Variants in EHBP1 observed in about 807,000 individuals in gnomAD.
EHBP1 encodes EH domain binding protein 1, also known as EH domain-binding protein 1.
EHBP1 carries 55 observed loss-of-function variants against 144.0 expected under a neutral mutation model. The observed-to-expected ratio is 0.38, with a 90% CI of 0.31 to 0.48. EHBP1 has a LOEUF of 0.48. Ranked by LOEUF, EHBP1 falls within the 20% of genes least tolerant of loss-of-function variation. The pLI is 0.98. For missense variants in EHBP1, 1,200 were observed against 1,364.2 expected, an observed-to-expected ratio of 0.88 and a Z score of 1.90; for synonymous variants, 469 against 472.7, an observed-to-expected ratio of 0.99 and a Z score of 0.10.
chr2:62,915,515 C>T (rs899081963), intron 10 of EHBP1, among the ~76,000 whole-genome samples: 9 of 151,886 alleles, frequency 5.9e-5, no homozygotes, highest in African/African-American at 1.5e-4. Flanking sequence ...TAAGACAGCA[C>T]GCTATTTGAG....
At chr2:62,808,245 G>C (rs1357611162) in intron 5 of EHBP1, among the ~76,000 whole-genome samples, 2 of 143,284 alleles carry the variant, frequency 1.4e-5, no homozygotes, top group African/African-American at 5.2e-5. Context: ...CTCTGCTTCT[G>C]GTATTTCCAT....
At chr2:62,994,218 C>G (rs756610783) in intron 18 of EHBP1, 9 of 256,638 alleles carry the variant, frequency 3.5e-5, no homozygotes, top group Non-Finnish European at 5.3e-5. Context: ...ACATTTCCAT[C>G]AGGGCACTTC....
chr2:62,800,119 C>T (rs1201948440), intron 5 of EHBP1, among the ~76,000 whole-genome samples: 1 of 152,200 alleles, frequency 6.6e-6, no homozygotes, highest in African/African-American at 2.4e-5. Flanking sequence ...CTCCACCTCT[C>T]TGCATAAACT....
rs2061870530 is a variant in EHBP1, at chr2:63,044,807, C to CCACCAGTTCACA, written c.3278-257_3278-246dup. 8.7e-5 allele frequency: 27 copies of CCACCAGTTCACA among 310,680 alleles called. No individual in the cohort carries two copies. In the South Asian group the frequency reaches 2.0e-3, roughly 23 times the overall value. The allele number at this position is 310,680 out of a possible 1,614,324, so 19.2% of individuals were successfully genotyped here. A position where few individuals can be genotyped will look rare whatever the true frequency, so the allele number is the denominator to read the frequency against. On this transcript the variant is annotated intron_variant, in intron 21 of 22. Transcript: ENST00000431489. ...GATTCAGGTGCGCACCTCAGGCTAG[C>CCACCAGTTCACA]CACCAGTTCACACCTGGTTCTAAGC... is the stretch of plus-strand genomic sequence containing the variant.
intron 2 of EHBP1, among the ~76,000 whole-genome samples, chr2:62,722,655 T>A (rs555136696): frequency 8.5e-5 from 13 of 152,312 alleles, no homozygotes; most frequent in African/African-American, 3.1e-4. Flanking sequence ...TCTCCTTTAA[T>A]CTGGTAGAAT....
intron 7 of EHBP1, among the ~76,000 whole-genome samples, chr2:62,833,871 CA>C (rs1372022867): frequency 6.6e-6 from 1 of 152,108 alleles, no homozygotes; most frequent in East Asian, 1.9e-4. Flanking sequence ...TTCTAGATGC[CA>C]TTAAGAATTT....
At chr2:63,001,780 G>A (rs535681104) in intron 19 of EHBP1, among the ~76,000 whole-genome samples, 1 of 152,234 alleles carries the variant, frequency 6.6e-6, no homozygotes, top group South Asian at 2.1e-4. Flanking sequence ...TGATGGCTCT[G>A]GAGCCTGACT....
At chr2:63,038,230 G>A (rs2061524513) in intron 20 of EHBP1, among the ~76,000 whole-genome samples, 1 of 152,072 alleles carries the variant, frequency 6.6e-6, no homozygotes, top group African/African-American at 2.4e-5. Flanking sequence ...CCTAGCGTGA[G>A]AATGAGCAGG....
At chr2:62,830,913 A>C (rs2152654195) in intron 6 of EHBP1, 106 bp from the exon 7 acceptor site, 1 of 1,184,304 alleles carries the variant, frequency 8.4e-7, no homozygotes, top group South Asian at 1.5e-5. Flanking sequence ...AGAAAGACTT[A>C]TTGACATACC....
intron 2 of EHBP1, among the ~76,000 whole-genome samples, chr2:62,725,268 G>A (rs2151960104): frequency 6.6e-6 from 1 of 152,330 alleles, no homozygotes; most frequent in Non-Finnish European, 1.5e-5. Flanking sequence ...ATTTGCATGT[G>A]CCTCATTTGC....
At chr2:62,789,807 C>T (rs1299993902) in intron 5 of EHBP1, among the ~76,000 whole-genome samples, 2 of 152,128 alleles carry the variant, frequency 1.3e-5, no homozygotes, top group African/African-American at 2.4e-5. Flanking sequence ...TATGAAACCT[C>T]GTGATGCTGT....
intron 10 of EHBP1, among the ~76,000 whole-genome samples, chr2:62,901,969 A>C (rs1253826583): frequency 6.6e-6 from 1 of 152,098 alleles, no homozygotes; most frequent in East Asian, 1.9e-4. Flanking sequence ...TGTCTCAAAA[A>C]AAAAAAAAGA....
chr2:62,825,598 G>A (rs888336306), intron 5 of EHBP1, among the ~76,000 whole-genome samples: 4 of 150,418 alleles, frequency 2.7e-5, no homozygotes, highest in Non-Finnish European at 5.9e-5. Flanking sequence ...ATAGAATTCA[G>A]ATGTTGTAGA....
At chr2:62,716,975 C>T (rs1023170406) in intron 2 of EHBP1, among the ~76,000 whole-genome samples, 1 of 152,136 alleles carries the variant, frequency 6.6e-6, no homozygotes, top group Non-Finnish European at 1.5e-5. Context: ...ACTGTGTTGT[C>T]CAGGCTGGTC....
At chr2:62,838,314 C>T (rs2047473866) in intron 7 of EHBP1, among the ~76,000 whole-genome samples, 2 of 152,058 alleles carry the variant, frequency 1.3e-5, no homozygotes, top group African/African-American at 2.4e-5. Flanking sequence ...CACAACATAC[C>T]ACAATCTCTG....
intron 7 of EHBP1, among the ~76,000 whole-genome samples, chr2:62,838,193 A>C (rs1379322465): frequency 6.6e-6 from 1 of 152,278 alleles, no homozygotes; most frequent in South Asian, 2.1e-4. Context: ...ATCCCACTCA[A>C]AGCCGCTCAA....
intron 7 of EHBP1, among the ~76,000 whole-genome samples, chr2:62,834,536 G>A (rs2047066332): frequency 6.6e-6 from 1 of 152,172 alleles, no homozygotes; most frequent in Non-Finnish European, 1.5e-5. Context: ...AGGTATATAT[G>A]TTGTTCTTAG....
At chr2:62,729,317 AT>A (rs1176390470) in intron 2 of EHBP1, among the ~76,000 whole-genome samples, 1 of 129,928 alleles carries the variant, frequency 7.7e-6, no homozygotes, top group Non-Finnish European at 1.6e-5. Context: ...ATAATATAAT[AT>A]TTATAATATA....
At chr2:62,993,708 A>G (rs778718745) in intron 17 of EHBP1, 40 bp downstream of exon 17, 7 of 1,271,458 alleles carry the variant, frequency 5.5e-6, no homozygotes, top group Admixed American at 2.2e-5. Context: ...GTTATGGTTT[A>G]ACTATATATA....
Sources: allele counts gnomAD v4.1 joint callset (sites outside exome capture counted in the v4.1 genomes callset), GRCh38; gene constraint gnomAD v4.1.1; transcripts MANE v1.5; gene names NCBI Gene and HGNC (gene_info 2026-07-23, HGNC 2026-07-21).